The following ATXN1 variants were observed in gnomAD, a reference collection of about 807,000 sequenced individuals.
ATXN1 encodes ataxin 1.
Under a neutral mutation model 56.4 loss-of-function variants are expected in ATXN1, and 8 were observed. That is an observed-to-expected ratio of 0.14 (90% CI 0.08 to 0.26). The LOEUF (loss-of-function observed/expected upper bound fraction) is 0.26. ATXN1 is among the 10% of genes least tolerant of loss of function. The probability of loss-of-function intolerance (pLI) is 1.00; values close to 1 mark genes in which losing one functional copy is unlikely to be tolerated. For synonymous variants in ATXN1, 514 were observed against 494.6 expected (o/e 1.04, Z -0.52); for missense variants, 987 against 1,106.5 (o/e 0.89, Z 1.53).
intron 4 of ATXN1, among the ~76,000 whole-genome samples, chr6:16,557,472 T>C (rs1259827020): frequency 6.6e-6 from 1 of 152,186 alleles, no homozygotes; most frequent in Non-Finnish European, 1.5e-5. Flanking sequence ...TTTCTATATT[T>C]ATCTATAAAC....
chr6:16,638,139 G>A (rs577583214), intron 3 of ATXN1, among the ~76,000 whole-genome samples: 2 of 152,142 alleles, frequency 1.3e-5, no homozygotes, highest in African/African-American at 4.8e-5. Flanking sequence ...TGGGGTGTTA[G>A]GGTCTTTAAG....
At position 16,303,970 on chromosome 6, in the gene ATXN1, A is replaced by C. The variant is rs924147950; in HGVS notation, c.*2359T>G. On this transcript the variant is annotated 3_prime_UTR_variant, in exon 8 of 8. Coordinates refer to ENST00000436367, the MANE Select transcript of ATXN1 (RefSeq NM_001128164.2). This position sits in a 1 kb window ranked among gnomAD's most constrained non-coding sequence, Gnocchi z 4.3. ...AGCACTAAATAAGCAGTATGACTGC[A>C]AGAATGAGCCCACCCAGCTCTCTGC... 6.6e-6 allele frequency: 1 copy of C among 152,642 alleles called. No homozygotes were observed. The highest frequency in any genetic ancestry group is 2.4e-5 in the African/African-American group (1 of 41,476). 9.5% of individuals were successfully genotyped at this position (152,642 alleles called of 1,614,324 possible).
intron 6 of ATXN1, among the ~76,000 whole-genome samples, chr6:16,420,233 G>C (rs528381269): frequency 6.6e-6 from 1 of 152,120 alleles, no homozygotes; most frequent in South Asian, 2.1e-4. Flanking sequence ...TTACTTCCCC[G>C]GTATGAGGGC....
intron 5 of ATXN1, among the ~76,000 whole-genome samples, chr6:16,493,334 C>T (rs186709696): frequency 3.4e-4 from 51 of 152,206 alleles, no homozygotes; most frequent in Non-Finnish European, 2.2e-4. Flanking sequence ...TCTGAGAGCC[C>T]GCATTTCTAC....
chr6:16,659,205 C>T (rs1758266899), intron 2 of ATXN1, among the ~76,000 whole-genome samples: 1 of 152,110 alleles, frequency 6.6e-6, no homozygotes, highest in Non-Finnish European at 1.5e-5. Flanking sequence ...TGGCAAAAGC[C>T]TTTTTTATTT....
chr6:16,733,498 G>A (rs1338258853), intron 2 of ATXN1, among the ~76,000 whole-genome samples: 1 of 151,078 alleles, frequency 6.6e-6, no homozygotes, highest in Non-Finnish European at 1.5e-5. Flanking sequence ...AAGGGTTCAA[G>A]GCTGCAGTAA....
intron 3 of ATXN1, among the ~76,000 whole-genome samples, chr6:16,601,171 T>G (rs555192184): frequency 6.6e-6 from 1 of 152,216 alleles, no homozygotes; most frequent in Non-Finnish European, 1.5e-5. Flanking sequence ...ATAGGTAACT[T>G]TAGAAAGCAC....
chr6:16,542,523 G>A (rs998979751), intron 4 of ATXN1, among the ~76,000 whole-genome samples: 1 of 152,180 alleles, frequency 6.6e-6, no homozygotes, highest in Non-Finnish European at 1.5e-5. Context: ...GGCTATCTTA[G>A]TTTTTCACAC....
intron 4 of ATXN1, among the ~76,000 whole-genome samples, chr6:16,569,174 T>G (rs530246939): frequency 1.3e-5 from 2 of 152,174 alleles, no homozygotes; most frequent in South Asian, 4.1e-4. Context: ...CTTCTTCCCA[T>G]GAAGATAACA....
chr6:16,465,652 T>C (rs1361337378), intron 6 of ATXN1, among the ~76,000 whole-genome samples: 1 of 152,014 alleles, frequency 6.6e-6, no homozygotes, highest in East Asian at 1.9e-4. Context: ...CAGCAGAGCA[T>C]CATGTTTGAC....
At chr6:16,411,741 T>A (rs922515826) in intron 6 of ATXN1, among the ~76,000 whole-genome samples, 10 of 152,202 alleles carry the variant, frequency 6.6e-5, no homozygotes, top group African/African-American at 2.4e-4. Context: ...GCTCACAGTG[T>A]GAAGAGAGAA....
At position 16,735,483 on chromosome 6, in the gene ATXN1, G is replaced by A. The variant is rs559918764; in HGVS notation, c.-615+17750C>T. On this transcript the variant is annotated intron_variant, in intron 2 of 7. Coordinates refer to ENST00000436367, the MANE Select transcript of ATXN1 (RefSeq NM_001128164.2). ...GTCACTAGAAGATGCCCAAATGAATGGAGGAAACAAATCTAATGGTTTATA... is the reference window on the plus strand; with the variant it reads ...GTCACTAGAAGATGCCCAAATGAATAGAGGAAACAAATCTAATGGTTTATA... 2.0e-4 allele frequency among the ~76,000 whole-genome samples: 30 copies of A among 152,302 alleles called. No homozygotes were observed. The South Asian group carries it at 6.2e-3, about 32-fold the overall frequency.
chr6:16,660,843 T>G (rs1476298106), intron 2 of ATXN1, among the ~76,000 whole-genome samples: 2 of 146,926 alleles, frequency 1.4e-5, no homozygotes, highest in East Asian at 1.9e-4. Context: ...TTTTTTTTTT[T>G]TTTTTTTTTT....
intron 2 of ATXN1, among the ~76,000 whole-genome samples, chr6:16,730,487 G>GTGTATATATATATA (rs141836403): frequency 1.0e-3 from 134 of 131,996 alleles, no homozygotes; most frequent in East Asian, 2.3e-3. Flanking sequence ...AAAACAGTAT[G>GTGTATATATATATA]TATATATATA....
At chr6:16,639,961 C>T (rs763591668) in intron 3 of ATXN1, among the ~76,000 whole-genome samples, 2 of 151,964 alleles carry the variant, frequency 1.3e-5, no homozygotes, top group South Asian at 2.1e-4. Context: ...ATGGACAGAA[C>T]GTTATTTTTT....
Position 16,630,609 on chromosome 6 carries a change from A to C in ATXN1, c.-489+27167T>G, listed in dbSNP as rs138143853. On this transcript the variant is annotated intron_variant, in intron 3 of 7. Coordinates refer to ENST00000436367, the MANE Select transcript of ATXN1 (RefSeq NM_001128164.2). ...CTGTGAATCGGCATCTGAGAAAATA[A>C]GCAACAACCTTACCTCCCAAACACC... Among the ~76,000 whole-genome samples the C allele has an allele frequency of 3.0e-3, 463 of 152,360 alleles. 2 individuals are homozygous for C. The highest frequency in any genetic ancestry group is 0.011 in the African/African-American group (444 of 41,576).
intron 6 of ATXN1, among the ~76,000 whole-genome samples, chr6:16,347,943 G>A (rs1023913118): frequency 2.6e-5 from 4 of 152,182 alleles, no homozygotes; most frequent in South Asian, 2.1e-4. Flanking sequence ...CTGCCTGTAT[G>A]AGCTATAACA....
At chr6:16,542,407 G>GCATTTT (rs929677818) in intron 4 of ATXN1, among the ~76,000 whole-genome samples, 8 of 152,198 alleles carry the variant, frequency 5.3e-5, no homozygotes, top group African/African-American at 1.9e-4. Context: ...ACGTGCTGCT[G>GCATTTT]CATTTTCATC....
intron 6 of ATXN1, among the ~76,000 whole-genome samples, chr6:16,456,976 A>C (rs1759889445): frequency 6.6e-6 from 1 of 152,144 alleles, no homozygotes; most frequent in Non-Finnish European, 1.5e-5. Context: ...TATCCTTCCT[A>C]TTCATATGAT....
Sources: gnomAD v4.1 joint callset for allele counts (sites outside exome capture counted in the v4.1 genomes callset) on GRCh38, gnomAD v4.1.1 for gene constraint, Gnocchi (gnomAD v3.1) non-coding constraint, MANE v1.5 for transcripts, NCBI Gene and HGNC (gene_info 2026-07-23, HGNC 2026-07-21) for gene names.